CSRNP3: variants seen among roughly 807,000 people sequenced by gnomAD.
CSRNP3 encodes cysteine and serine rich nuclear protein 3, also known as cysteine/serine-rich nuclear protein 3.
CSRNP3 carries 12 observed loss-of-function variants against 48.0 expected under a neutral mutation model. That is an observed-to-expected ratio of 0.25 (90% CI 0.16 to 0.41). The LOEUF is 0.41. CSRNP3 is among the 10% of genes least tolerant of loss of function. The pLI, the probability that CSRNP3 is intolerant of heterozygous loss-of-function variation, is 1.00. For missense variants in CSRNP3, 580 were observed against 724.4 expected (o/e 0.80, Z 2.29); for synonymous variants, 263 against 269.7 (o/e 0.98, Z 0.24).
chr2:165,646,963 G>A (rs1204607089), intron 4 of CSRNP3, among the ~76,000 whole-genome samples: 1 of 151,872 alleles, frequency 6.6e-6, no homozygotes, highest in East Asian at 1.9e-4. Context: ...TGTTTCTTAA[G>A]CATGAAGTTT....
intron 2 of CSRNP3, among the ~76,000 whole-genome samples, chr2:165,509,237 G>A (rs66491938): frequency 0.19 from 29,588 of 152,086 alleles, 3,091 homozygotes; most frequent in African/African-American, 0.24. Context: ...AATGGGGATA[G>A]CTATTTTAAA....
At chr2:165,659,168 T>C (rs1216778112) in intron 5 of CSRNP3, among the ~76,000 whole-genome samples, 1 of 152,140 alleles carries the variant, frequency 6.6e-6, no homozygotes, top group Non-Finnish European at 1.5e-5. Context: ...GGGTAAGTGG[T>C]GTTGAGACGG....
rs558787259 is a variant in CSRNP3, at chr2:165,596,279, A to C, written c.148+1066A>C. Among the ~76,000 whole-genome samples the C allele has an allele frequency of 2.6e-5, 4 of 152,180 alleles. No homozygotes were observed. In the South Asian group the frequency reaches 8.3e-4, roughly 32 times the overall value. On this transcript the variant is annotated intron_variant, in intron 4 of 6. Coordinates refer to ENST00000651982, the MANE Select transcript of CSRNP3 (RefSeq NM_001172173.2). ...GGAAACTGACTAGCATAGTTAAATA[A>C]TCTTTTTAAAATTTATGTTCCTTAA...
intron 2 of CSRNP3, among the ~76,000 whole-genome samples, chr2:165,517,436 C>A (rs1296154083): frequency 2.0e-5 from 3 of 151,912 alleles, no homozygotes; most frequent in Middle Eastern, 3.4e-3. Context: ...AGAACTCTAA[C>A]AAATATTCAT....
At chr2:165,678,067 T>C (rs1205147065) in intron 6 of CSRNP3, among the ~76,000 whole-genome samples, 1 of 152,050 alleles carries the variant, frequency 6.6e-6, no homozygotes. Flanking sequence ...TCCAGTACAG[T>C]ACACACACAT....
chr2:165,569,266 C>CT (rs1685337700), intron 3 of CSRNP3, among the ~76,000 whole-genome samples: 1 of 152,002 alleles, frequency 6.6e-6, no homozygotes, highest in Admixed American at 6.6e-5. Context: ...AAGGGAGAAT[C>CT]TAATAGTAGC....
intron 6 of CSRNP3, among the ~76,000 whole-genome samples, chr2:165,677,956 G>T (rs1687455108): frequency 6.6e-6 from 1 of 152,102 alleles, no homozygotes; most frequent in Non-Finnish European, 1.5e-5. Flanking sequence ...CTTCCTTCAA[G>T]AAGATTGTAT....
At position 165,550,070 on chromosome 2, in the gene CSRNP3, C is replaced by A. The variant is rs6706349; in HGVS notation, c.-24+32109C>A. On this transcript the variant is annotated intron_variant, in intron 3 of 6. Coordinates refer to ENST00000651982, the MANE Select transcript of CSRNP3 (RefSeq NM_001172173.2). ...TCTGGCTAAATATCCCTAGCCTTAG[C>A]AAGGAATTTCAGATGTAGTGAAATG... 5.5e-3 allele frequency among the ~76,000 whole-genome samples: 841 copies of A among 152,160 alleles called. 8 individuals carry two copies. Among genetic ancestry groups the A allele is most frequent in the African/African-American group, 0.017 (721 of 41,518 alleles).
At chr2:165,660,426 A>G (rs1687077226) in intron 5 of CSRNP3, among the ~76,000 whole-genome samples, 1 of 152,182 alleles carries the variant, frequency 6.6e-6, no homozygotes, top group African/African-American at 2.4e-5. Flanking sequence ...ATTAGCTCCT[A>G]TAGGCATTGA....
intron 4 of CSRNP3, among the ~76,000 whole-genome samples, chr2:165,608,393 A>C (rs181831486): frequency 8.5e-5 from 13 of 152,234 alleles, no homozygotes; most frequent in African/African-American, 2.6e-4. Context: ...GGCATAAGTA[A>C]ATGTTAACTT....
At chr2:165,528,343 T>G (rs1239401254) in intron 3 of CSRNP3, among the ~76,000 whole-genome samples, 1 of 152,208 alleles carries the variant, frequency 6.6e-6, no homozygotes, top group East Asian at 1.9e-4. Context: ...CCTTTGTCTA[T>G]TTTTGCTTTT....
At chr2:165,647,546 A>G (rs560449637) in intron 4 of CSRNP3, among the ~76,000 whole-genome samples, 2 of 152,224 alleles carry the variant, frequency 1.3e-5, no homozygotes, top group Non-Finnish European at 1.5e-5. Context: ...GATAACATTG[A>G]TCAAAATTCT....
chr2:165,486,284 G>T (rs368970968), intron 1 of CSRNP3, among the ~76,000 whole-genome samples: 1 of 152,048 alleles, frequency 6.6e-6, no homozygotes, highest in Non-Finnish European at 1.5e-5. Flanking sequence ...CACCTGGCTC[G>T]GAGGGTCCTA....
At chr2:165,480,764 A>T (rs1457542446) in intron 1 of CSRNP3, among the ~76,000 whole-genome samples, 5 of 139,104 alleles carry the variant, frequency 3.6e-5, no homozygotes, top group Non-Finnish European at 7.7e-5. Flanking sequence ...ATTTTATATT[A>T]TATAAAATTT....
At chr2:165,666,068 AAGAGAG>A (rs143932638) in intron 5 of CSRNP3, among the ~76,000 whole-genome samples, 9 of 99,564 alleles carry the variant, frequency 9.0e-5, no homozygotes, top group South Asian at 3.9e-4. Context: ...GGAAGAAAGA[AAGAGAG>A]AGAGAGAAAG....
At position 165,587,452 on chromosome 2, in the gene CSRNP3, G is replaced by A. The variant is rs530536817; in HGVS notation, c.-23-7591G>A. 3.0e-4 allele frequency among the ~76,000 whole-genome samples: 45 copies of A among 152,278 alleles called. 1 individual carries two copies. Among genetic ancestry groups the A allele is most frequent in the African/African-American group, 1.0e-3 (43 of 41,554 alleles). ...CCCCTGTTCACAATGTCTCCCTCTC[G>A]GCCTAATGGCCACGTAGTTGAATGA... is the stretch of plus-strand genomic sequence containing the variant. On this transcript the variant is annotated intron_variant, in intron 3 of 6. Coordinates refer to ENST00000651982, the MANE Select transcript of CSRNP3 (RefSeq NM_001172173.2).
intron 4 of CSRNP3, among the ~76,000 whole-genome samples, chr2:165,598,248 T>G (rs1558945617): frequency 6.6e-6 from 1 of 152,268 alleles, no homozygotes; most frequent in Middle Eastern, 3.4e-3. Context: ...TATGAAGACC[T>G]TTTGGCAATA....
At chr2:165,628,497 G>A (rs995771426) in intron 4 of CSRNP3, among the ~76,000 whole-genome samples, 1 of 152,058 alleles carries the variant, frequency 6.6e-6, no homozygotes, top group African/African-American at 2.4e-5. Flanking sequence ...GCCGAGGGGG[G>A]CAGATTACCT....
intron 4 of CSRNP3, among the ~76,000 whole-genome samples, chr2:165,632,555 C>T (rs573434041): frequency 4.3e-4 from 65 of 152,112 alleles, no homozygotes; most frequent in Non-Finnish European, 8.5e-4. Context: ...TATTCTCTCT[C>T]CCCATGAATG....
Sources: allele counts gnomAD v4.1 joint callset (sites outside exome capture counted in the v4.1 genomes callset), GRCh38; gene constraint gnomAD v4.1.1; transcripts MANE v1.5; gene names NCBI Gene and HGNC (gene_info 2026-07-23, HGNC 2026-07-21).